NLRP5: variants seen among roughly 807,000 people sequenced by gnomAD.
NLRP5 encodes NLR family pyrin domain containing 5.
A neutral mutation model predicts 113.1 loss-of-function variants in NLRP5; 93 were observed. The observed-to-expected ratio is 0.82, with a 90% CI of 0.70 to 0.98. The LOEUF is 0.98. Ranked by LOEUF, NLRP5 falls within the 50% of genes least tolerant of loss-of-function variation. NLRP5 has a pLI of 0.00. For missense variants in NLRP5, 1,808 were observed against 1,514.3 expected (o/e 1.19, Z -3.22); for synonymous variants, 751 against 600.7 (o/e 1.25, Z -3.66).
intron 14 of NLRP5, 100 bp downstream of exon 14, chr19:56,058,510 C>A: frequency 1.9e-6 from 2 of 1,063,584 alleles, no homozygotes; most frequent in South Asian, 3.1e-5. Flanking sequence ...GACGTCATAC[C>A]TTGGGAGCCA....
intron 11 of NLRP5, among the ~76,000 whole-genome samples, chr19:56,043,651 T>C (rs56881541): frequency 0.22 from 32,598 of 145,304 alleles, 4,447 homozygotes; most frequent in African/African-American, 0.4. Context: ...CTGCAAGCTC[T>C]GCCTCCTGGG....
intron 2 of NLRP5, among the ~76,000 whole-genome samples, chr19:56,007,869 T>TGTGTGTG (rs1981984462): frequency 5.8e-5 from 5 of 85,988 alleles, no homozygotes; most frequent in African/African-American, 2.1e-4. Context: ...ACAAGACAGT[T>TGTGTGTG]TGTGTGTGTG....
chr19:56,028,593 C>G (rs751263587), intron 7 of NLRP5, 84 bp downstream of exon 7: 1 of 1,285,932 alleles, frequency 7.8e-7, no homozygotes, highest in South Asian at 1.4e-5. Flanking sequence ...CTTCCAGGAA[C>G]TTCAAGGTCC....
At chr19:56,011,182 T>G (rs962773262) in intron 3 of NLRP5, among the ~76,000 whole-genome samples, 1 of 127,276 alleles carries the variant, frequency 7.9e-6, no homozygotes, top group Non-Finnish European at 1.8e-5. Flanking sequence ...CATACATTAA[T>G]GTATGCTACA....
At chr19:55,993,916 C>T in the NLRP5 span, among the ~76,000 whole-genome samples, 2 of 151,884 alleles carry the variant, frequency 1.3e-5, no homozygotes, top group African/African-American at 2.4e-5. Context: ...GATTACATAT[C>T]TTAGCTATCG....
At position 56,038,120 on chromosome 19, in the gene NLRP5, A is replaced by G. The variant is rs368457078; in HGVS notation, c.2711A>G (p.Asn904Ser). The change falls in exon 10 of 15, where the codon AAC becomes AGC. Residue 904 changes from asparagine (N) to serine (S), a missense_variant. Asn to Ser is a conservative substitution (Grantham distance 46, BLOSUM62 1). Transcript: ENST00000390649. ...CTGAAATCTCTGAGCCTGGCAGGAA[A>G]CAAGGTGACAGACCAGGGAGTAATG... 3.7e-6 allele frequency: 6 copies of G among 1,613,916 alleles called. No homozygotes were observed. Among genetic ancestry groups the G allele is most frequent in the Non-Finnish European group, 5.1e-6 (6 of 1,179,904 alleles).
chr19:55,993,192 T>C, the NLRP5 span, among the ~76,000 whole-genome samples: 2 of 151,900 alleles, frequency 1.3e-5, no homozygotes, highest in East Asian at 3.9e-4. Flanking sequence ...CATGATCAAA[T>C]CAGGGGACTT....
At position 56,058,258 on chromosome 19, in the gene NLRP5, G is replaced by A; in HGVS notation, c.3318G>A (p.Leu1106=). The change falls in exon 14 of 15, where the codon CTG becomes CTA. Residue 1106 remains leucine (L), a synonymous_variant. Transcript: ENST00000390649. Reference sequence around the variant, plus strand: ...CCTGCAGGTTGAAGGCATGTGGACTGACTTCTGATTGCTGTGAGGCACTCT... The same window carrying A: ...CCTGCAGGTTGAAGGCATGTGGACTAACTTCTGATTGCTGTGAGGCACTCT... 1 of 1,613,834 alleles carries A rather than the reference G, an allele frequency of 6.2e-7. No homozygotes were observed. The highest frequency in any genetic ancestry group is 8.5e-7 in the Non-Finnish European group (1 of 1,179,786).
chr19:55,987,812 A>T, the NLRP5 span: 1 of 1,612,300 alleles, frequency 6.2e-7, no homozygotes, highest in Non-Finnish European at 8.5e-7. Context: ...ACCTCCCTCC[A>T]GCTGTATTCC....
intron 6 of NLRP5, among the ~76,000 whole-genome samples, chr19:56,025,026 A>G (rs1348463141): frequency 7.3e-6 from 1 of 136,762 alleles, no homozygotes; most frequent in Non-Finnish European, 1.6e-5. Flanking sequence ...TGTGAACTGC[A>G]CATGTGAGGG....
chr19:56,011,627 ATT>A (rs111647646), intron 3 of NLRP5, among the ~76,000 whole-genome samples: 1 of 149,292 alleles, frequency 6.7e-6, no homozygotes, highest in Non-Finnish European at 1.5e-5. Flanking sequence ...AGAAAGCCTG[ATT>A]TTTTTTTTCT....
In NLRP5 at chr19:56,061,540, C is replaced by T. The variant is rs1390751008; in HGVS notation, c.*12C>T. 1 of 1,613,892 alleles carries T rather than the reference C, an allele frequency of 6.2e-7. No individual in the cohort carries two copies. The highest frequency in any genetic ancestry group is 1.1e-5 in the South Asian group (1 of 91,052). On this transcript the variant is annotated 3_prime_UTR_variant, in exon 15 of 15. Coordinates refer to ENST00000390649, the MANE Select transcript of NLRP5 (RefSeq NM_153447.4). ...GGTGGAAAAACTGAAGATACGGAAA[C>T]CTGCCCCACTCACACCCATCTGATG... is the stretch of plus-strand genomic sequence containing the variant.
chr19:56,005,008 C>T (rs1159356073), intron 2 of NLRP5, among the ~76,000 whole-genome samples: 1 of 150,604 alleles, frequency 6.6e-6, no homozygotes, highest in Non-Finnish European at 1.5e-5. Context: ...GCAGGAGAAT[C>T]ACTTGAATCC....
In NLRP5 at chr19:56,040,973, C is replaced by T. The variant is rs1983499856; in HGVS notation, c.2838C>T (p.Ala946=). 6.2e-7 allele frequency: 1 copy of T among 1,613,954 alleles called. No homozygotes were observed. The highest frequency in any genetic ancestry group is 8.5e-7 in the Non-Finnish European group (1 of 1,179,860). Residue 946 remains alanine (A), a synonymous_variant, in exon 11 of 15, where the codon GCC becomes GCT. Transcript: ENST00000390649. ...CGGGTTGCCAGAGTCTGGCCTCAGC[C>T]CTCGTCAGCAACCGGAGCTTGACAC...
At chr19:56,024,453 A>G (rs966335623) in intron 6 of NLRP5, among the ~76,000 whole-genome samples, 8 of 146,550 alleles carry the variant, frequency 5.5e-5, no homozygotes, top group African/African-American at 2.0e-4. Context: ...ATTTATATAT[A>G]CGTACATACA....
intron 1 of NLRP5, among the ~76,000 whole-genome samples, chr19:56,003,449 T>C (rs73066199): frequency 0.15 from 23,583 of 152,152 alleles, 2,068 homozygotes; most frequent in East Asian, 0.31. Flanking sequence ...CCACTGCACC[T>C]GGCCATTGCC....
Position 56,038,186 on chromosome 19 carries a change from A to G in NLRP5, c.2777A>G (p.Gln926Arg), listed in dbSNP as rs1350916345. Residue 926 changes from glutamine to arginine, a missense_variant, in exon 10 of 15, where the codon CAG becomes CGG. Gln to Arg is a conservative substitution (Grantham distance 43). Coordinates refer to ENST00000390649, the MANE Select transcript of NLRP5 (RefSeq NM_153447.4). ...TTGAGAGTCTCCCAGTGCGCCCTGC[A>G]GAAGCTGATGTGAGTGCCACTTCCT... 1.9e-6 allele frequency: 3 copies of G among 1,613,628 alleles called. No homozygotes were observed. In the African/African-American group the frequency reaches 4.0e-5, roughly 22 times the overall value.
chr19:56,030,327 A>G (rs1469014456), intron 7 of NLRP5, among the ~76,000 whole-genome samples: 1 of 151,990 alleles, frequency 6.6e-6, no homozygotes, highest in Non-Finnish European at 1.5e-5. Context: ...CCAAGATGGC[A>G]CCACTGTGCT....
chr19:56,049,282 C>T (rs1599908958), intron 11 of NLRP5, among the ~76,000 whole-genome samples: 3 of 151,842 alleles, frequency 2.0e-5, no homozygotes, highest in Admixed American at 2.0e-4. Context: ...TGGGTTCAAG[C>T]GATTCTACTG....
Sources: allele counts gnomAD v4.1 joint callset (sites outside exome capture counted in the v4.1 genomes callset), GRCh38; gene constraint gnomAD v4.1.1; transcripts MANE v1.5; gene names NCBI Gene and HGNC (gene_info 2026-07-23, HGNC 2026-07-21).